SNX29: variants seen among roughly 807,000 people sequenced by gnomAD.
SNX29 encodes sorting nexin-29.
In SNX29, 78 loss-of-function variants were observed where a neutral mutation model predicts 102.1. That is an observed-to-expected ratio of 0.76 (90% CI 0.64 to 0.92). The LOEUF (loss-of-function observed/expected upper bound fraction) is 0.92. Among genes scored for constraint, SNX29 ranks in the 40% least tolerant of loss-of-function variants. SNX29 has a pLI of 0.00. For synonymous variants in SNX29, 580 were observed against 414.5 expected (o/e 1.40, Z -4.85); for missense variants, 1,280 against 1,061.7 (o/e 1.21, Z -2.86).
rs528791598 is a variant in SNX29 at position 12,560,240 on chromosome 16, G to T, written c.2319-8266G>T. ...CACAGCCAGAGCTTGCAGAAGAAAAGCCTGAAGCTTAAAAATATCAGGAAC... is the reference window on the plus strand; with the variant it reads ...CACAGCCAGAGCTTGCAGAAGAAAATCCTGAAGCTTAAAAATATCAGGAAC... On this transcript the variant is annotated intron_variant, in intron 20 of 20. Coordinates refer to ENST00000566228, the MANE Select transcript of SNX29 (RefSeq NM_032167.5). Among the ~76,000 whole-genome samples, 21 of 148,332 alleles carry T rather than the reference G, an allele frequency of 1.4e-4. 2 individuals carry two copies. The South Asian group carries it at 4.5e-3, about 32-fold the overall frequency.
At chr16:12,542,023 TTTTTTCTTTTTTTAA>T (rs1337122426) in intron 20 of SNX29, among the ~76,000 whole-genome samples, 2 of 152,062 alleles carry the variant, frequency 1.3e-5, no homozygotes, top group Non-Finnish European at 2.9e-5. Flanking sequence ...CACCGCTCTG[TTTTTTCTTTTTTTAA>T]TTAGTTTGGC....
intron 14 of SNX29, among the ~76,000 whole-genome samples, chr16:12,215,289 G>C (rs1463271869): frequency 1.3e-5 from 2 of 149,436 alleles, no homozygotes; most frequent in African/African-American, 4.9e-5. Context: ...CTTAAGGCCA[G>C]GAGTTTGAGA....
At chr16:11,990,901 G>T (rs1242349405) in intron 1 of SNX29, among the ~76,000 whole-genome samples, 1 of 152,208 alleles carries the variant, frequency 6.6e-6, no homozygotes, top group Non-Finnish European at 1.5e-5. Context: ...ATTTCTGCCA[G>T]GGCAGTGGGC....
intron 1 of SNX29, among the ~76,000 whole-genome samples, chr16:11,982,780 A>G (rs540940686): frequency 2.0e-5 from 3 of 152,250 alleles, no homozygotes; most frequent in African/African-American, 7.2e-5. Context: ...GAGGAAAGCC[A>G]GGCCCATAGT....
chr16:12,268,527 A>C (rs1426557877), intron 14 of SNX29, among the ~76,000 whole-genome samples: 1 of 152,122 alleles, frequency 6.6e-6, no homozygotes, highest in Non-Finnish European at 1.5e-5. Flanking sequence ...CTTTGTTGGA[A>C]CACTGTGGGT....
intron 13 of SNX29, among the ~76,000 whole-genome samples, chr16:12,171,712 A>C (rs1280940663): frequency 1.3e-5 from 2 of 152,240 alleles, no homozygotes; most frequent in Non-Finnish European, 2.9e-5. Flanking sequence ...TCCTGACCGA[A>C]AGGATAGGGA....
intron 9 of SNX29, among the ~76,000 whole-genome samples, chr16:12,068,454 C>T (rs2051138284): frequency 6.8e-6 from 1 of 147,840 alleles, no homozygotes; most frequent in Non-Finnish European, 1.5e-5. Flanking sequence ...CACACCACCA[C>T]TGCACTCCAT....
chr16:12,417,883 C>T (rs1045155845), intron 18 of SNX29, among the ~76,000 whole-genome samples: 4 of 152,110 alleles, frequency 2.6e-5, no homozygotes, highest in South Asian at 2.1e-4. Flanking sequence ...CGCTGTATGC[C>T]GACAGCGAGT....
chr16:12,544,333 G>C (rs1641878), intron 20 of SNX29, among the ~76,000 whole-genome samples: 14,987 of 147,264 alleles, frequency 0.1, 960 homozygotes, highest in Non-Finnish European at 0.14. Flanking sequence ...CATGAGGCAG[G>C]AAAAGTCAGT....
At chr16:12,413,490 C>T (rs940064273) in intron 18 of SNX29, among the ~76,000 whole-genome samples, 1 of 151,720 alleles carries the variant, frequency 6.6e-6, no homozygotes, top group African/African-American at 2.4e-5. Flanking sequence ...GAGAAGGGAG[C>T]CAGGTGAGGT....
chr16:12,473,711 A>G (rs2087463227), intron 18 of SNX29, among the ~76,000 whole-genome samples: 5 of 152,332 alleles, frequency 3.3e-5, no homozygotes, highest in Admixed American at 3.3e-4. Context: ...GGTTGCAGTA[A>G]AGAAGACGGC....
At chr16:12,415,984 T>A (rs1393289850) in intron 18 of SNX29, among the ~76,000 whole-genome samples, 2 of 152,096 alleles carry the variant, frequency 1.3e-5, no homozygotes, top group Non-Finnish European at 2.9e-5. Context: ...GTGGGGGCCG[T>A]CTTCTGAATG....
intron 1 of SNX29, among the ~76,000 whole-genome samples, chr16:11,986,553 G>A (rs998950623): frequency 2.6e-5 from 4 of 152,020 alleles, no homozygotes; most frequent in Admixed American, 1.3e-4. Flanking sequence ...TTGTATCTCC[G>A]TTTGAGCGTT....
intron 18 of SNX29, among the ~76,000 whole-genome samples, chr16:12,414,135 T>G (rs2084526058): frequency 6.6e-6 from 1 of 152,220 alleles, no homozygotes; most frequent in Non-Finnish European, 1.5e-5. Context: ...GAGATGCACT[T>G]TTTTGAGTAT....
chr16:12,260,665 G>A (rs2078707260), intron 14 of SNX29, among the ~76,000 whole-genome samples: 2 of 152,136 alleles, frequency 1.3e-5, no homozygotes, highest in Admixed American at 6.5e-5. Context: ...CGGCTGGAGT[G>A]GATGTTTGCT....
Position 12,266,328 on chromosome 16 carries a change from C to T in SNX29, c.1679-11605C>T, listed in dbSNP as rs114262824. Among the ~76,000 whole-genome samples, 791 of 152,200 alleles carry T rather than the reference C, an allele frequency of 5.2e-3. 6 individuals carry two copies. Among genetic ancestry groups the T allele is most frequent in the African/African-American group, 0.017 (719 of 41,530 alleles). ...CACTAGGCAATTCTCCAACACCAGC[C>T]GGGCTCCCTACAGTTGAATTCTGAC... On this transcript the variant is annotated intron_variant, in intron 14 of 20. Coordinates refer to ENST00000566228, the MANE Select transcript of SNX29 (RefSeq NM_032167.5).
intron 13 of SNX29, among the ~76,000 whole-genome samples, chr16:12,198,756 C>G (rs953582183): frequency 2.6e-5 from 4 of 152,246 alleles, no homozygotes; most frequent in Non-Finnish European, 5.9e-5. Flanking sequence ...ATTTGTCCAA[C>G]TCTTCTCCTG....
Position 12,524,689 on chromosome 16 carries a change from T to C in SNX29, c.2179-13T>C. 6.2e-7 allele frequency: 1 copy of C among 1,612,388 alleles called. No homozygotes were observed. The highest frequency in any genetic ancestry group is 8.5e-7 in the Non-Finnish European group (1 of 1,179,006). ...AAGACGTACCAAAGCGAAGATGTTT[T>C]GTGTTTCCTCAGGATGCCAAGTTTG... On this transcript the variant is annotated splice_polypyrimidine_tract_variant and intron_variant, in intron 19 of 20. Transcript: ENST00000566228.
chr16:12,099,370 C>T (rs957383425), intron 11 of SNX29, among the ~76,000 whole-genome samples: 3 of 152,124 alleles, frequency 2.0e-5, no homozygotes, highest in Non-Finnish European at 2.9e-5. Context: ...GAAGAGGCAC[C>T]GTGATTTTTG....
Sources: allele counts gnomAD v4.1 joint callset (sites outside exome capture counted in the v4.1 genomes callset), GRCh38; gene constraint gnomAD v4.1.1; transcripts MANE v1.5; gene names NCBI Gene and HGNC (gene_info 2026-07-23, HGNC 2026-07-21).